Variants in GUCA1C observed in about 807,000 individuals in gnomAD.
GUCA1C encodes the protein guanylate cyclase activator 1C.
GUCA1C carries 15 observed loss-of-function variants against 16.2 expected under a neutral mutation model. That is an observed-to-expected ratio of 0.93 (90% CI 0.62 to 1.43). The LOEUF is 1.43. GUCA1C is among the 40% of genes most tolerant of loss of function. The pLI is 0.00. For missense variants in GUCA1C, 275 were observed against 244.8 expected, an observed-to-expected ratio of 1.12 and a Z score of -0.82; for synonymous variants, 78 against 85.4, an observed-to-expected ratio of 0.91 and a Z score of 0.48.
intron 1 of GUCA1C, among the ~76,000 whole-genome samples, chr3:108,949,695 G>C (rs868200795): frequency 2.0e-5 from 3 of 152,162 alleles, no homozygotes; most frequent in African/African-American, 7.2e-5. Flanking sequence ...AGTGCACCTA[G>C]AGCAGTGTCA....
At chr3:108,922,747 C>T (rs373352607) in intron 1 of GUCA1C, among the ~76,000 whole-genome samples, 16 of 152,138 alleles carry the variant, frequency 1.1e-4, no homozygotes, top group Admixed American at 8.5e-4. Flanking sequence ...CAGGTATACA[C>T]GTGCCATGGT....
chr3:108,918,149 A>G (rs1292476399), intron 2 of GUCA1C, among the ~76,000 whole-genome samples: 2 of 152,200 alleles, frequency 1.3e-5, no homozygotes, highest in Admixed American at 6.5e-5. Flanking sequence ...ACTTAGCGGC[A>G]TCCCTGGTCT....
At chr3:108,926,021 A>T (rs1375066992) in intron 1 of GUCA1C, among the ~76,000 whole-genome samples, 1 of 152,044 alleles carries the variant, frequency 6.6e-6, no homozygotes. Context: ...CAGGAGGCAG[A>T]TGTTGCAGTG....
chr3:108,920,872 G>A (rs1478192722), intron 1 of GUCA1C, among the ~76,000 whole-genome samples: 9 of 152,070 alleles, frequency 5.9e-5, no homozygotes, highest in South Asian at 2.1e-4. Flanking sequence ...TATACTCCCC[G>A]TCCCCACACA....
chr3:108,926,787 T>G (rs547702338), intron 1 of GUCA1C, among the ~76,000 whole-genome samples: 1 of 151,934 alleles, frequency 6.6e-6, no homozygotes, highest in Non-Finnish European at 1.5e-5. Flanking sequence ...GCCTGTTTTT[T>G]TTTTTTTCTT....
chr3:108,909,085 T>C (rs1016207861), intron 3 of GUCA1C, among the ~76,000 whole-genome samples: 2 of 152,204 alleles, frequency 1.3e-5, no homozygotes, highest in Admixed American at 1.3e-4. Context: ...AGTCAGGTGT[T>C]AGGCTGTACC....
At position 108,920,532 on chromosome 3, in the gene GUCA1C, T is replaced by A; in HGVS notation, c.258A>T (p.Gln86His). Residue 86 changes from glutamine to histidine, a missense_variant, in exon 2 of 4, where the codon CAA (glutamine) becomes CAT (histidine). Physicochemically the swap from Gln to His is conservative, Grantham distance 24 (BLOSUM62 0). Transcript: ENST00000261047. ...ATTTTAATTTTTGCTCCATTTTTTCTTGCATGATTAGATTTACAGCAGCAA... is the reference window on the plus strand; with the variant it reads ...ATTTTAATTTTTGCTCCATTTTTTCATGCATGATTAGATTTACAGCAGCAA... Reference protein sequence around the residue: ...EFIAAVNLIMQEKMEQKLKWY... With the variant: ...EFIAAVNLIMHEKMEQKLKWY... 6.3e-7 allele frequency: 1 copy of A among 1,584,982 alleles called. No individual in the cohort carries two copies. Among genetic ancestry groups the A allele is most frequent in the Non-Finnish European group, 8.7e-7 (1 of 1,153,734 alleles).
chr3:108,939,323 G>GGTTTTTTTTTTTTTTT (rs1491279760), intron 1 of GUCA1C, among the ~76,000 whole-genome samples: 1 of 33,228 alleles, frequency 3.0e-5, no homozygotes, highest in Non-Finnish European at 7.9e-5. Context: ...TTGCTTCAAG[G>GGTTTTTTTTTTTTTTT]CTTTTTTTTT....
chr3:108,913,328 T>G (rs1438367628), intron 3 of GUCA1C, among the ~76,000 whole-genome samples: 1 of 151,998 alleles, frequency 6.6e-6, no homozygotes, highest in Non-Finnish European at 1.5e-5. Flanking sequence ...TTGATAACAA[T>G]GATAATGAAC....
At chr3:108,952,897 T>C (rs1004928136) in intron 1 of GUCA1C, among the ~76,000 whole-genome samples, 7 of 152,016 alleles carry the variant, frequency 4.6e-5, no homozygotes, top group Non-Finnish European at 7.4e-5. Context: ...TATTCTTTTC[T>C]CTTCTTTGTA....
intron 1 of GUCA1C, among the ~76,000 whole-genome samples, chr3:108,925,979 C>T (rs7635709): frequency 0.36 from 55,225 of 151,654 alleles, 10,793 homozygotes; most frequent in Non-Finnish European, 0.44. Context: ...CCCAGCTACA[C>T]GGGAGGCTGA....
rs71106610 is a variant in GUCA1C, at chr3:108,932,323, C to CA, written c.205-11739dup. On this transcript the variant is annotated intron_variant, in intron 1 of 3. Coordinates refer to ENST00000261047, the MANE Select transcript of GUCA1C (RefSeq NM_005459.4). ...ACATGCAGATTCCTAGACCTCCCAC[C>CA]AAAAAAAAAAAAAAAACAAAAAAAA... is the stretch of plus-strand genomic sequence containing the variant. Among the ~76,000 whole-genome samples, 925 of 101,794 alleles carry CA rather than the reference C, an allele frequency of 9.1e-3. 9 individuals are homozygous for CA. Among genetic ancestry groups the CA allele is most frequent in the East Asian group, 0.029 (84 of 2,906 alleles). The allele number at this position is 101,794 out of a possible 152,430, so 66.8% of individuals were successfully genotyped here.
intron 1 of GUCA1C, among the ~76,000 whole-genome samples, chr3:108,939,448 AC>A (rs1170237356): frequency 7.0e-6 from 1 of 143,228 alleles, no homozygotes; most frequent in African/African-American, 2.6e-5. Flanking sequence ...TGCCTCAGCC[AC>A]CCGAGTCGCT....
rs777879332 is a variant in GUCA1C, at chr3:108,908,187, A to C, written c.465T>G (p.Phe155Leu). 23 of 1,613,070 alleles carry C rather than the reference A, an allele frequency of 1.4e-5. No homozygotes were observed. In the East Asian group the frequency reaches 5.1e-4, roughly 36 times the overall value. Residue 155 changes from phenylalanine (F) to leucine (L), a missense_variant, in exon 4 of 4, where the codon TTT becomes TTG. Phe to Leu is a conservative substitution (Grantham distance 22). Transcript: ENST00000261047. ...NNDGELTLEEFINGMAKDQDL... is the reference protein window; with the variant it reads ...NNDGELTLEELINGMAKDQDL... ...CCTGATCTTTTGCCATGCCATTGAT[A>C]AATTCTTCTAAAGTCAATTCCCCTG...
At chr3:108,927,608 A>C (rs1277989251) in intron 1 of GUCA1C, among the ~76,000 whole-genome samples, 1 of 152,088 alleles carries the variant, frequency 6.6e-6, no homozygotes. Context: ...TATTTACACT[A>C]TCTATTTCAC....
At position 108,935,083 on chromosome 3, in the gene GUCA1C, G is replaced by A. The variant is rs559398143; in HGVS notation, c.205-14498C>T. On this transcript the variant is annotated intron_variant, in intron 1 of 3. Coordinates refer to ENST00000261047, the MANE Select transcript of GUCA1C (RefSeq NM_005459.4). ...CCGCCTCGGCCTCCCAAAGTGCTGG[G>A]ATTACAGGCATGAGTCACCACACCT... Among the ~76,000 whole-genome samples, 267 of 152,042 alleles carry A rather than the reference G, an allele frequency of 1.8e-3. 1 individual carries two copies. Among genetic ancestry groups the A allele is most frequent in the Non-Finnish European group, 2.3e-3 (157 of 67,996 alleles).
intron 1 of GUCA1C, among the ~76,000 whole-genome samples, chr3:108,921,192 T>C (rs1387061571): frequency 5.3e-5 from 8 of 152,188 alleles, no homozygotes; most frequent in Admixed American, 1.3e-4. Context: ...GTATGTAGTA[T>C]ATAGTATGTA....
chr3:108,951,124 G>A (rs1946892475), intron 1 of GUCA1C, among the ~76,000 whole-genome samples: 1 of 152,146 alleles, frequency 6.6e-6, no homozygotes, highest in South Asian at 2.1e-4. Flanking sequence ...GTGGTTACGA[G>A]GAGTGGGGTG....
chr3:108,926,001 C>T (rs752855288), intron 1 of GUCA1C, among the ~76,000 whole-genome samples: 3 of 151,848 alleles, frequency 2.0e-5, no homozygotes, highest in Admixed American at 6.6e-5. Flanking sequence ...GCAGGAGAAT[C>T]GTTTGAACCC....
Sources: gnomAD v4.1 joint callset for allele counts (sites outside exome capture counted in the v4.1 genomes callset) on GRCh38, gnomAD v4.1.1 for gene constraint, MANE v1.5 for transcripts, NCBI Gene and HGNC (gene_info 2026-07-23, HGNC 2026-07-21) for gene names.